The following MARK2 variants were observed in gnomAD, a reference collection of about 807,000 sequenced individuals.
MARK2 encodes the protein microtubule affinity regulating kinase 2.
Under a neutral mutation model 89.8 loss-of-function variants are expected in MARK2, and 16 were observed. The observed-to-expected ratio is 0.18, with a 90% confidence interval of 0.12 to 0.27. MARK2 has a LOEUF of 0.27. MARK2 is among the 10% of genes least tolerant of loss of function. The probability of loss-of-function intolerance (pLI) is 1.00; values close to 1 mark genes in which losing one functional copy is unlikely to be tolerated. For missense variants in MARK2, 621 were observed against 1,049.9 expected (o/e 0.59, Z 5.65); for synonymous variants, 382 against 399.5 (o/e 0.96, Z 0.52).
At chr11:63,868,824 A>G (rs1326453508) in intron 1 of MARK2, 4 of 455,968 alleles carry the variant, frequency 8.8e-6, no homozygotes, top group Non-Finnish European at 1.8e-5. Flanking sequence ...GTCTGTCAGA[A>G]GGCTGGAGTT....
At position 63,900,506 on chromosome 11, in the gene MARK2, C is replaced by G. The variant is rs1940771863; in HGVS notation, c.769-53C>G. 2 of 1,594,096 alleles carry G rather than the reference C, an allele frequency of 1.3e-6. No individual in the cohort carries two copies. Among genetic ancestry groups the G allele is most frequent in the Admixed American group, 3.5e-5 (2 of 56,524 alleles). ...TCTCAGGATCTTGGATATTAGGTTT[C>G]TTCCTTTGGCCTTGGGGTGATTTCA... On this transcript the variant is annotated intron_variant, in intron 8 of 18. Transcript: ENST00000402010. The surrounding 1 kb of genome is among the most constrained non-coding windows in gnomAD (Gnocchi z 4.7).
Position 63,904,176 on chromosome 11 carries a change from TG to T in MARK2, c.1676+30del. Reference sequence around the variant, plus strand: ...AGTGTGCTGGGGCAGCTGGTGCACCTGCTGCCCTCAGCCCACCCTACCCCCT... The same window carrying T: ...AGTGTGCTGGGGCAGCTGGTGCACCTCTGCCCTCAGCCCACCCTACCCCCT... On this transcript the variant is annotated intron_variant, in intron 15 of 18. Transcript: ENST00000402010. This position sits in a 1 kb window ranked among gnomAD's most constrained non-coding sequence, Gnocchi z 6.3. The T allele has an allele frequency of 6.6e-7, 1 of 1,522,510 alleles. No homozygotes were observed. The highest frequency in any genetic ancestry group is 8.8e-7 in the Non-Finnish European group (1 of 1,136,874). The allele number at this position is 1,522,510 out of a possible 1,614,324, so 94.3% of individuals were successfully genotyped here.
chr11:63,900,257 CCTT>C lies in MARK2; in HGVS notation c.768+150_768+152del. On this transcript the variant is annotated intron_variant, in intron 8 of 18. Coordinates refer to ENST00000402010, the MANE Select transcript of MARK2 (RefSeq NM_001039469.3). The surrounding 1 kb of genome is among the most constrained non-coding windows in gnomAD (Gnocchi z 4.7). ...TTGCTGAGGTAGCAGCAGTCAAAGG[CCTT>C]CTGCACCTGGGAATGAATAACCTCA... 1 of 710,166 alleles carries C rather than the reference CCTT, an allele frequency of 1.4e-6. No individual in the cohort carries two copies. The highest frequency in any genetic ancestry group is 2.5e-6 in the Non-Finnish European group (1 of 405,486). 44.0% of individuals were successfully genotyped at this position (710,166 alleles called of 1,614,324 possible).
chr11:63,897,346 T>C (rs1019846943), intron 3 of MARK2, among the ~76,000 whole-genome samples: 5 of 152,244 alleles, frequency 3.3e-5, no homozygotes, highest in Admixed American at 1.3e-4. Flanking sequence ...AAGGTCAGCA[T>C]TGGGTTCCTG....
chr11:63,885,210 A>G (rs1388433132), intron 1 of MARK2, among the ~76,000 whole-genome samples: 24 of 151,930 alleles, frequency 1.6e-4, no homozygotes, highest in Non-Finnish European at 1.5e-5. Context: ...ATAAATAAAT[A>G]GGGACTTGCC....
intron 4 of MARK2, 62 bp from the exon 5 acceptor site, chr11:63,898,546 T>C: frequency 7.8e-7 from 1 of 1,283,352 alleles, no homozygotes; most frequent in Non-Finnish European, 1.1e-6. Context: ...CCTGGACATG[T>C]TGGAGAGCAG....
intron 17 of MARK2, 146 bp downstream of exon 17, chr11:63,906,260 T>TA: frequency 9.1e-7 from 1 of 1,095,122 alleles, no homozygotes. Flanking sequence ...TCTGCCATCT[T>TA]AAAGGGATGA....
intron 1 of MARK2, among the ~76,000 whole-genome samples, chr11:63,859,681 G>A (rs1288722591): frequency 6.6e-6 from 1 of 151,686 alleles, no homozygotes; most frequent in Non-Finnish European, 1.5e-5. Flanking sequence ...GCCCAGGCTG[G>A]AGTGCGGTGG....
chr11:63,885,956 G>A (rs1939371245), intron 1 of MARK2, among the ~76,000 whole-genome samples: 1 of 151,496 alleles, frequency 6.6e-6, no homozygotes, highest in South Asian at 2.1e-4. Context: ...GTGAAACCTC[G>A]TCTCTACTAA....
intron 1 of MARK2, among the ~76,000 whole-genome samples, chr11:63,860,183 G>C (rs1937666232): frequency 6.6e-6 from 1 of 152,084 alleles, no homozygotes; most frequent in Admixed American, 6.6e-5. Context: ...ACTTTTAACA[G>C]CTTCCCTAAG....
intron 1 of MARK2, among the ~76,000 whole-genome samples, chr11:63,845,188 C>G (rs796760935): frequency 2.2e-4 from 33 of 152,280 alleles, no homozygotes; most frequent in African/African-American, 7.5e-4. Context: ...GGACAAGCCC[C>G]TATTCCCTCT....
rs567647696 is a variant in MARK2, at chr11:63,896,162, G to A, written c.288+529G>A. ...GTGACTCCTCCTGAGTGGGCTTCCT[G>A]GCCATAGGCACTGGCTCTTGTGAAG... On this transcript the variant is annotated intron_variant, in intron 3 of 18. Coordinates refer to ENST00000402010, the MANE Select transcript of MARK2 (RefSeq NM_001039469.3). 4.6e-5 allele frequency among the ~76,000 whole-genome samples: 7 copies of A among 152,276 alleles called. No individual in the cohort carries two copies. The South Asian group carries it at 1.5e-3, about 32-fold the overall frequency.
Position 63,839,377 on chromosome 11 carries a change from C to A in MARK2, c.-130C>A. 1.7e-6 allele frequency: 1 copy of A among 584,124 alleles called. No individual in the cohort carries two copies. Among genetic ancestry groups the A allele is most frequent in the South Asian group, 2.0e-5 (1 of 50,654 alleles). 36.2% of individuals were successfully genotyped at this position (584,124 alleles called of 1,614,324 possible). A position where few individuals can be genotyped will look rare whatever the true frequency, so the allele number is the denominator to read the frequency against. On this transcript the variant is annotated 5_prime_UTR_variant, in exon 1 of 19. Coordinates refer to ENST00000402010, the MANE Select transcript of MARK2 (RefSeq NM_001039469.3). ...TGGCGTGAGCGGCTGCCCGGCCTCC[C>A]CGCACCCCCGGCCGGGGCCCATGCG...
intron 1 of MARK2, among the ~76,000 whole-genome samples, chr11:63,863,137 A>G (rs1240164927): frequency 3.1e-4 from 47 of 152,024 alleles, no homozygotes; most frequent in Non-Finnish European, 8.8e-5. Flanking sequence ...TCTTTATCCC[A>G]TCGCTGGTGT....
chr11:63,909,513 T>C lies in MARK2; in HGVS notation c.*276T>C. On this transcript the variant is annotated 3_prime_UTR_variant, in exon 19 of 19. Coordinates refer to ENST00000402010, the MANE Select transcript of MARK2 (RefSeq NM_001039469.3). ...GGGAGGGTGGATGGGGGGGCAGGGC[T>C]CCCCCTCGGTACTGCGGTTGCACAG... 8.9e-6 allele frequency: 3 copies of C among 337,552 alleles called. No homozygotes were observed. Among genetic ancestry groups the C allele is most frequent in the East Asian group, 5.0e-5 (1 of 19,910 alleles). The allele number at this position is 337,552 out of a possible 1,614,324, so 20.9% of individuals were successfully genotyped here.
At chr11:63,853,392 TAAAA>T (rs146715941) in intron 1 of MARK2, among the ~76,000 whole-genome samples, 12 of 125,588 alleles carry the variant, frequency 9.6e-5, no homozygotes, top group South Asian at 7.6e-4. Flanking sequence ...AGAGCGAAAC[TAAAA>T]AAAAAAAAAA....
intron 1 of MARK2, among the ~76,000 whole-genome samples, chr11:63,846,940 G>A (rs1291227095): frequency 1.3e-4 from 20 of 152,212 alleles, no homozygotes; most frequent in Non-Finnish European, 4.4e-5. Context: ...ACAGGCGGGA[G>A]CCACCGCGCC....
At chr11:63,859,509 A>T (rs1937625872) in intron 1 of MARK2, among the ~76,000 whole-genome samples, 1 of 151,226 alleles carries the variant, frequency 6.6e-6, no homozygotes, top group Non-Finnish European at 1.5e-5. Context: ...TTAGTAGAGA[A>T]AGGGTTTCAC....
chr11:63,869,082 T>G (rs1938299865), intron 1 of MARK2, among the ~76,000 whole-genome samples: 1 of 152,134 alleles, frequency 6.6e-6, no homozygotes, highest in African/African-American at 2.4e-5. Flanking sequence ...TGATGTGTGG[T>G]ATGAAAGTGT....
Sources: gnomAD v4.1 joint callset for allele counts (sites outside exome capture counted in the v4.1 genomes callset) on GRCh38, gnomAD v4.1.1 for gene constraint, Gnocchi (gnomAD v3.1) non-coding constraint, MANE v1.5 for transcripts, NCBI Gene and HGNC (gene_info 2026-07-23, HGNC 2026-07-21) for gene names.